The following HSF2BP variants were observed in gnomAD, a reference collection of about 807,000 sequenced individuals.
HSF2BP encodes the protein heat shock transcription factor 2 binding protein, also known as heat shock factor 2-binding protein.
A neutral mutation model predicts 35.0 loss-of-function variants in HSF2BP; 35 were observed. The observed-to-expected ratio is 1.00, with a 90% CI of 0.76 to 1.32. The LOEUF is 1.32. HSF2BP is among the 40% of genes most tolerant of loss of function. The pLI is 0.00. For synonymous variants in HSF2BP, 114 were observed against 117.4 expected, an observed-to-expected ratio of 0.97 and a Z score of 0.18; for missense variants, 326 against 321.7, an observed-to-expected ratio of 1.01 and a Z score of -0.10.
chr21:43,578,531 A>G (rs986555519), intron 8 of HSF2BP, among the ~76,000 whole-genome samples: 1 of 152,176 alleles, frequency 6.6e-6, no homozygotes, highest in Non-Finnish European at 1.5e-5. Flanking sequence ...TTCTACACAG[A>G]CACAACCAAA....
chr21:43,582,377 A>G (rs1601617114), intron 8 of HSF2BP, among the ~76,000 whole-genome samples: 1 of 110,920 alleles, frequency 9.0e-6, no homozygotes, highest in East Asian at 2.6e-4. Flanking sequence ...GTGGGGGATG[A>G]GGGCCTGGTG....
chr21:43,658,059 A>C lies in HSF2BP; in HGVS notation c.36+2T>G. On this transcript the variant is annotated splice_donor_variant, in intron 2 of 8. Coordinates refer to ENST00000291560, the MANE Select transcript of HSF2BP (RefSeq NM_007031.2). LOFTEE classifies it high-confidence loss of function. ...GGCGTCGGCCAGGGCTTCCTCACTA[A>C]CCCGGCAGGCCTCCTCAGCGGCGCC... is the stretch of plus-strand genomic sequence containing the variant. The C allele has an allele frequency of 6.5e-7, 1 of 1,535,574 alleles. No homozygotes were observed. The highest frequency in any genetic ancestry group is 8.7e-7 in the Non-Finnish European group (1 of 1,146,218).
intron 4 of HSF2BP, among the ~76,000 whole-genome samples, chr21:43,640,699 A>G (rs1169008577): frequency 6.6e-6 from 1 of 152,214 alleles, no homozygotes; most frequent in African/African-American, 2.4e-5. Context: ...GGTGAAGGGT[A>G]TAGATAACTT....
At chr21:43,643,974 A>T (rs934065464) in intron 4 of HSF2BP, among the ~76,000 whole-genome samples, 1 of 152,182 alleles carries the variant, frequency 6.6e-6, no homozygotes, top group East Asian at 1.9e-4. Context: ...AAGGAAAAAA[A>T]AAATTAATTA....
chr21:43,617,626 G>T (rs1286888577), intron 6 of HSF2BP, among the ~76,000 whole-genome samples: 1 of 151,694 alleles, frequency 6.6e-6, no homozygotes, highest in African/African-American at 2.4e-5. Context: ...AGTGCTTATA[G>T]GTAATTCTAG....
chr21:43,628,526 T>C (rs2082415666), intron 6 of HSF2BP, among the ~76,000 whole-genome samples: 1 of 152,200 alleles, frequency 6.6e-6, no homozygotes, highest in Non-Finnish European at 1.5e-5. Context: ...GGTTGCTTCA[T>C]GAGGTTTAAG....
At chr21:43,652,209 C>A (rs1323890045) in intron 3 of HSF2BP, among the ~76,000 whole-genome samples, 1 of 151,898 alleles carries the variant, frequency 6.6e-6, no homozygotes, top group Non-Finnish European at 1.5e-5. Flanking sequence ...TCGAGACCAG[C>A]GTGGCCAATA....
chr21:43,644,614 T>C (rs2082684401), intron 3 of HSF2BP, among the ~76,000 whole-genome samples: 1 of 152,246 alleles, frequency 6.6e-6, no homozygotes. Context: ...GGACTTTGGT[T>C]GTTTTCTGTT....
chr21:43,588,460 G>A (rs1279596114), intron 8 of HSF2BP, among the ~76,000 whole-genome samples: 1 of 151,846 alleles, frequency 6.6e-6, no homozygotes, highest in Admixed American at 6.5e-5. Context: ...CAGCAGTCCT[G>A]TAGCGTTGTT....
chr21:43,586,414 G>A lies in HSF2BP; in HGVS notation c.796+5811C>T, dbSNP rs996052453. ...AAGTAACCTGCCACCTTTACAGCAA[G>A]CAAACAAAAGAAAATGAGTTTTCAT... On this transcript the variant is annotated intron_variant, in intron 8 of 8. Transcript: ENST00000291560. Among the ~76,000 whole-genome samples the A allele has an allele frequency of 2.6e-5, 4 of 152,206 alleles. No individual in the cohort carries two copies. In the South Asian group the frequency reaches 8.3e-4, roughly 32 times the overall value.
At chr21:43,603,209 C>G (rs1257755875) in intron 7 of HSF2BP, among the ~76,000 whole-genome samples, 1 of 152,100 alleles carries the variant, frequency 6.6e-6, no homozygotes, top group Non-Finnish European at 1.5e-5. Flanking sequence ...GAAAGAGGAG[C>G]CGTAGAAAGG....
intron 8 of HSF2BP, among the ~76,000 whole-genome samples, chr21:43,571,960 G>A (rs2081583342): frequency 6.6e-6 from 1 of 152,088 alleles, no homozygotes; most frequent in South Asian, 2.1e-4. Flanking sequence ...GTCCAAAGCC[G>A]AGGGAACCAC....
intron 4 of HSF2BP, among the ~76,000 whole-genome samples, chr21:43,641,247 C>G (rs912170207): frequency 1.2e-4 from 19 of 152,184 alleles, no homozygotes; most frequent in African/African-American, 4.1e-4. Flanking sequence ...GATCCGCCCA[C>G]CTCAGCCTCC....
chr21:43,609,322 A>G (rs954302254), intron 7 of HSF2BP, among the ~76,000 whole-genome samples: 8 of 152,192 alleles, frequency 5.3e-5, no homozygotes, highest in African/African-American at 1.4e-4. Context: ...AAAATCTCCT[A>G]TTGGGTACTA....
intron 8 of HSF2BP, among the ~76,000 whole-genome samples, chr21:43,575,829 C>G (rs1387862603): frequency 1.3e-5 from 2 of 152,042 alleles, no homozygotes; most frequent in African/African-American, 4.8e-5. Context: ...AAATATCATT[C>G]AAAAGTCGGC....
chr21:43,612,543 T>C (rs971260846), intron 7 of HSF2BP, among the ~76,000 whole-genome samples: 3 of 148,766 alleles, frequency 2.0e-5, no homozygotes, highest in Admixed American at 6.8e-5. Context: ...CCCAGCTACT[T>C]GGAAGGCTGA....
At chr21:43,587,058 A>C (rs1052267307) in intron 8 of HSF2BP, among the ~76,000 whole-genome samples, 4 of 152,210 alleles carry the variant, frequency 2.6e-5, no homozygotes, top group Non-Finnish European at 4.4e-5. Context: ...TAGATTCTGA[A>C]AACAGTCTAA....
At chr21:43,496,040 C>T in the HSF2BP span, among the ~76,000 whole-genome samples, 3 of 133,298 alleles carry the variant, frequency 2.3e-5, 1 homozygote, top group Non-Finnish European at 5.0e-5. Context: ...CACACACACA[C>T]ACGCACACAG....
At chr21:43,604,989 A>G (rs1265192047) in intron 7 of HSF2BP, among the ~76,000 whole-genome samples, 3 of 135,786 alleles carry the variant, frequency 2.2e-5, no homozygotes, top group African/African-American at 8.4e-5. Flanking sequence ...CACATCACAC[A>G]TCACACCACA....
Sources: gnomAD v4.1 joint callset for allele counts (sites outside exome capture counted in the v4.1 genomes callset) on GRCh38, gnomAD v4.1.1 for gene constraint, MANE v1.5 for transcripts, NCBI Gene and HGNC (gene_info 2026-07-23, HGNC 2026-07-21) for gene names.